PPP1R12A: variants seen among roughly 807,000 people sequenced by gnomAD.
The protein encoded by PPP1R12A is myosin binding subunit.
In PPP1R12A, 19 loss-of-function variants were observed where a neutral mutation model predicts 139.6. The ratio of observed to expected loss-of-function variants is 0.14; its 90% CI spans 0.09 to 0.20. The LOEUF is 0.20. Among genes scored for constraint, PPP1R12A ranks in the 10% least tolerant of loss-of-function variants. The pLI is 1.00. For synonymous variants in PPP1R12A, 427 were observed against 420.6 expected, an observed-to-expected ratio of 1.02 and a Z score of -0.19; for missense variants, 925 against 1,211.5, an observed-to-expected ratio of 0.76 and a Z score of 3.51.
At chr12:79,901,307 T>A (rs1276152950) in intron 1 of PPP1R12A, among the ~76,000 whole-genome samples, 1 of 152,144 alleles carries the variant, frequency 6.6e-6, no homozygotes, top group Non-Finnish European at 1.5e-5. Context: ...GCTCCTTTGA[T>A]TACTGAAGGG....
At chr12:79,867,952 A>C (rs538452114) in intron 2 of PPP1R12A, among the ~76,000 whole-genome samples, 248 of 152,316 alleles carry the variant, frequency 1.6e-3, no homozygotes, top group African/African-American at 5.7e-3. Context: ...ACTGTGAGTC[A>C]ATTAAATCTT....
chr12:79,821,973 TTC>T (rs1202423432), intron 6 of PPP1R12A, 141 bp downstream of exon 6: 1 of 557,984 alleles, frequency 1.8e-6, no homozygotes, highest in Non-Finnish European at 3.1e-6. Context: ...CCATCCTTTA[TTC>T]TCTTTCACTA....
chr12:79,779,160 G>A (rs188713984), intron 23 of PPP1R12A: 15 of 444,844 alleles, frequency 3.4e-5, no homozygotes, highest in Admixed American at 6.4e-5. Context: ...CAACTGCAGC[G>A]TTTATTTTAA....
At position 79,884,861 on chromosome 12, in the gene PPP1R12A, T is replaced by G. The variant is rs144332463; in HGVS notation, c.238-11923A>C. Among the ~76,000 whole-genome samples, 1,325 of 152,290 alleles carry G rather than the reference T, an allele frequency of 8.7e-3. 21 individuals carry two copies. The highest frequency in any genetic ancestry group is 0.031 in the African/African-American group (1,274 of 41,560). ...ATTCAAGTACATAAAACTTTAGTTTTTATTGTTCCACACATGTTCATAAGG... is the reference window on the plus strand; with the variant it reads ...ATTCAAGTACATAAAACTTTAGTTTGTATTGTTCCACACATGTTCATAAGG... On this transcript the variant is annotated intron_variant, in intron 1 of 24. Coordinates refer to ENST00000450142, the MANE Select transcript of PPP1R12A (RefSeq NM_002480.3).
At chr12:79,831,708 TAC>T (rs1481863849) in intron 4 of PPP1R12A, among the ~76,000 whole-genome samples, 1 of 152,192 alleles carries the variant, frequency 6.6e-6, no homozygotes, top group Non-Finnish European at 1.5e-5. Flanking sequence ...TATTGAATAA[TAC>T]ACAGAATAAT....
intron 2 of PPP1R12A, among the ~76,000 whole-genome samples, chr12:79,862,712 A>G (rs374068243): frequency 1.3e-5 from 2 of 152,220 alleles, no homozygotes; most frequent in East Asian, 1.9e-4. Context: ...AGAAGAAATG[A>G]TATCAGTGAT....
chr12:79,902,624 T>TA (rs776174753), intron 1 of PPP1R12A, among the ~76,000 whole-genome samples: 2 of 152,118 alleles, frequency 1.3e-5, no homozygotes, highest in Non-Finnish European at 2.9e-5. Context: ...GTGTATATAT[T>TA]AAACTCACTC....
chr12:79,915,486 T>TAC (rs902640220), intron 1 of PPP1R12A, among the ~76,000 whole-genome samples: 4 of 152,126 alleles, frequency 2.6e-5, no homozygotes, highest in Non-Finnish European at 4.4e-5. Context: ...ATTTTTGCTT[T>TAC]ACATTAAATT....
At chr12:79,875,432 AT>A (rs1455732241) in intron 1 of PPP1R12A, among the ~76,000 whole-genome samples, 1 of 152,156 alleles carries the variant, frequency 6.6e-6, no homozygotes, top group African/African-American at 2.4e-5. Flanking sequence ...CAAAGCCACT[AT>A]TTGCCCAGAG....
At chr12:79,801,422 T>A (rs1873170729) in intron 14 of PPP1R12A, among the ~76,000 whole-genome samples, 1 of 146,522 alleles carries the variant, frequency 6.8e-6, no homozygotes, top group Non-Finnish European at 1.5e-5. Context: ...TTCTTCTCAA[T>A]TTGTAATTCA....
At chr12:79,810,052 T>C in intron 9 of PPP1R12A, 42 bp from the exon 10 acceptor site, 1 of 1,442,812 alleles carries the variant, frequency 6.9e-7, no homozygotes, top group Admixed American at 2.0e-5. Context: ...AAAGAATTTG[T>C]AAAGCTGATC....
chr12:79,870,708 AT>A (rs1445087864), intron 2 of PPP1R12A, among the ~76,000 whole-genome samples: 1 of 152,204 alleles, frequency 6.6e-6, no homozygotes, highest in East Asian at 1.9e-4. Flanking sequence ...TAAAGCATAT[AT>A]TCCATATCCC....
At chr12:79,777,882 C>A (rs146069819) in intron 24 of PPP1R12A, among the ~76,000 whole-genome samples, 4 of 152,100 alleles carry the variant, frequency 2.6e-5, no homozygotes, top group African/African-American at 9.7e-5. Context: ...CAATAATGGT[C>A]TAATAACAAA....
chr12:79,880,050 T>C (rs1209593813), intron 1 of PPP1R12A, among the ~76,000 whole-genome samples: 3 of 152,172 alleles, frequency 2.0e-5, no homozygotes, highest in African/African-American at 7.2e-5. Context: ...TAGCATATTC[T>C]CTGTTTACGG....
At chr12:79,823,290 A>T (rs527882907) in intron 5 of PPP1R12A, among the ~76,000 whole-genome samples, 1 of 152,166 alleles carries the variant, frequency 6.6e-6, no homozygotes, top group Non-Finnish European at 1.5e-5. Flanking sequence ...TCACAGAAAA[A>T]AAAAAGTTTT....
At chr12:79,869,613 C>T (rs1882345991) in intron 2 of PPP1R12A, among the ~76,000 whole-genome samples, 1 of 152,154 alleles carries the variant, frequency 6.6e-6, no homozygotes, top group East Asian at 1.9e-4. Flanking sequence ...CGAAGAAAGG[C>T]ACACTGATGT....
chr12:79,898,677 T>C (rs1885353927), intron 1 of PPP1R12A, among the ~76,000 whole-genome samples: 1 of 152,180 alleles, frequency 6.6e-6, no homozygotes, highest in Admixed American at 6.5e-5. Context: ...TCCATCTTCA[T>C]GTTGCAATAT....
intron 1 of PPP1R12A, among the ~76,000 whole-genome samples, chr12:79,904,486 A>G (rs1885922982): frequency 6.6e-6 from 1 of 152,094 alleles, no homozygotes; most frequent in African/African-American, 2.4e-5. Context: ...AGGCTGTGCT[A>G]GGTACTTTCA....
At chr12:79,836,880 C>CACTT (rs1269193635) in intron 3 of PPP1R12A, among the ~76,000 whole-genome samples, 1 of 152,108 alleles carries the variant, frequency 6.6e-6, no homozygotes, top group Non-Finnish European at 1.5e-5. Flanking sequence ...TCTGATCCAC[C>CACTT]ACTTACTAGC....
Sources: gnomAD v4.1 joint callset for allele counts (sites outside exome capture counted in the v4.1 genomes callset) on GRCh38, gnomAD v4.1.1 for gene constraint, MANE v1.5 for transcripts, NCBI Gene and HGNC (gene_info 2026-07-23, HGNC 2026-07-21) for gene names.